Variants in FGF14 observed in about 807,000 individuals in gnomAD.
FGF14 encodes the protein fibroblast growth factor 14, also known as fibroblast growth factor homologous factor 4.
FGF14 carries 5 observed loss-of-function variants against 25.5 expected under a neutral mutation model. The ratio of observed to expected loss-of-function variants is 0.20; its 90% CI spans 0.10 to 0.41. The LOEUF (loss-of-function observed/expected upper bound fraction) is 0.41. Among genes scored for constraint, FGF14 ranks in the 10% least tolerant of loss-of-function variants. The pLI is 1.00. For missense variants in FGF14, 222 were observed against 320.1 expected, an observed-to-expected ratio of 0.69 and a Z score of 2.34; for synonymous variants, 138 against 118.3, an observed-to-expected ratio of 1.17 and a Z score of -1.08.
At chr13:102,295,086 C>T (rs1248348196) in intron 1 of FGF14, among the ~76,000 whole-genome samples, 1 of 152,094 alleles carries the variant, frequency 6.6e-6, no homozygotes, top group East Asian at 1.9e-4. Context: ...AAGTTGGCCA[C>T]CCATAGGAGT....
At chr13:102,018,908 T>C (rs1011833205) in intron 1 of FGF14, among the ~76,000 whole-genome samples, 1 of 152,150 alleles carries the variant, frequency 6.6e-6, no homozygotes, top group Non-Finnish European at 1.5e-5. Context: ...CTTTCAAGTA[T>C]GGGGCTTGCA....
At chr13:102,060,896 C>T (rs949102871) in intron 1 of FGF14, among the ~76,000 whole-genome samples, 4 of 152,122 alleles carry the variant, frequency 2.6e-5, no homozygotes, top group Admixed American at 1.3e-4. Flanking sequence ...CTATTGGGCA[C>T]GCACACAAGT....
chr13:102,157,873 C>T (rs558376662), intron 1 of FGF14, among the ~76,000 whole-genome samples: 119 of 152,304 alleles, frequency 7.8e-4, no homozygotes, highest in Non-Finnish European at 1.1e-3. Context: ...TATGAACAGA[C>T]ACTTCTCCAA....
chr13:101,931,829 A>C (rs1002789637), intron 1 of FGF14, among the ~76,000 whole-genome samples: 1 of 152,172 alleles, frequency 6.6e-6, no homozygotes, highest in Non-Finnish European at 1.5e-5. Flanking sequence ...TAAACTTCCT[A>C]CATGTCACTC....
intron 3 of FGF14, among the ~76,000 whole-genome samples, chr13:101,784,205 G>A (rs1208419264): frequency 6.6e-6 from 1 of 152,132 alleles, no homozygotes; most frequent in Admixed American, 6.5e-5. Context: ...ACTGCTCACA[G>A]TTCAAAGTTT....
At chr13:101,830,052 T>C (rs998674683) in intron 3 of FGF14, among the ~76,000 whole-genome samples, 2 of 152,118 alleles carry the variant, frequency 1.3e-5, no homozygotes, top group Non-Finnish European at 2.9e-5. Flanking sequence ...GGCAGGCGAC[T>C]GAATCTCCTG....
intron 1 of FGF14, among the ~76,000 whole-genome samples, chr13:102,264,118 G>C (rs2141129836): frequency 6.6e-6 from 1 of 151,938 alleles, no homozygotes; most frequent in Admixed American, 6.6e-5. Context: ...ATTTTAGATG[G>C]ATTGAGATCA....
chr13:101,916,350 G>A, intron 1 of FGF14, 103 bp downstream of exon 1: 2 of 1,408,526 alleles, frequency 1.4e-6, no homozygotes, highest in South Asian at 1.2e-5. Flanking sequence ...CCGGGGCCGG[G>A]GTGGGCCGGG....
intron 1 of FGF14, among the ~76,000 whole-genome samples, chr13:102,038,781 TA>T (rs2041595380): frequency 6.6e-6 from 1 of 152,106 alleles, no homozygotes; most frequent in African/African-American, 2.4e-5. Context: ...TTTAAATGAT[TA>T]AATGAAATAT....
At chr13:102,215,383 A>C (rs2050329194) in intron 1 of FGF14, among the ~76,000 whole-genome samples, 1 of 152,232 alleles carries the variant, frequency 6.6e-6, no homozygotes, top group African/African-American at 2.4e-5. Context: ...TTTAAGCAGA[A>C]GCTGGCACTG....
intron 1 of FGF14, among the ~76,000 whole-genome samples, chr13:101,949,652 C>T (rs1037318496): frequency 8.5e-5 from 13 of 152,048 alleles, no homozygotes; most frequent in African/African-American, 3.1e-4. Context: ...TATATTTTCC[C>T]CAGAAAGATG....
intron 1 of FGF14, among the ~76,000 whole-genome samples, chr13:102,262,333 T>G (rs1041862638): frequency 1.3e-5 from 2 of 152,148 alleles, no homozygotes; most frequent in Non-Finnish European, 2.9e-5. Context: ...GAATCATTAT[T>G]TCCTACCTAC....
chr13:101,946,660 T>C (rs1242754297), intron 1 of FGF14, among the ~76,000 whole-genome samples: 2 of 152,188 alleles, frequency 1.3e-5, no homozygotes, highest in Non-Finnish European at 1.5e-5. Flanking sequence ...CCATGAACAG[T>C]TGCTGTAACA....
chr13:102,376,223 C>T (rs989908519), intron 1 of FGF14, among the ~76,000 whole-genome samples: 7 of 152,116 alleles, frequency 4.6e-5, no homozygotes, highest in African/African-American at 9.7e-5. Flanking sequence ...ATAAGTCTCA[C>T]GAGATCTGAC....
chr13:101,969,367 T>G (rs1370793359), intron 1 of FGF14, among the ~76,000 whole-genome samples: 2 of 152,140 alleles, frequency 1.3e-5, no homozygotes, highest in Admixed American at 6.5e-5. Context: ...ATCGAGACCA[T>G]CCTGGCTAAC....
chr13:101,784,106 CTTGA>C (rs776117244), intron 3 of FGF14, among the ~76,000 whole-genome samples: 9 of 152,196 alleles, frequency 5.9e-5, no homozygotes, highest in Non-Finnish European at 1.2e-4. Context: ...GCAGCAGCTT[CTTGA>C]TTGATCTCTT....
chr13:101,990,533 G>A (rs918695206), intron 1 of FGF14, among the ~76,000 whole-genome samples: 1 of 151,858 alleles, frequency 6.6e-6, no homozygotes, highest in Admixed American at 6.6e-5. Flanking sequence ...ACTTAGTGAC[G>A]GCCTCAAAGT....
intron 3 of FGF14, among the ~76,000 whole-genome samples, chr13:101,831,814 G>A (rs552659782): frequency 6.6e-6 from 1 of 152,070 alleles, no homozygotes; most frequent in African/African-American, 2.4e-5. Flanking sequence ...AGGCACAACT[G>A]TTCTGTGCTA....
chr13:102,236,512 T>C (rs1208219596), intron 1 of FGF14, among the ~76,000 whole-genome samples: 1 of 152,124 alleles, frequency 6.6e-6, no homozygotes, highest in Non-Finnish European at 1.5e-5. Context: ...AGCAAACGAC[T>C]GGTGGCACAA....
Sources: gnomAD v4.1 joint callset for allele counts (sites outside exome capture counted in the v4.1 genomes callset) on GRCh38, gnomAD v4.1.1 for gene constraint, MANE v1.5 for transcripts, NCBI Gene and HGNC (gene_info 2026-07-23, HGNC 2026-07-21) for gene names.